The following PCDH10 variants were observed in gnomAD, a reference collection of about 807,000 sequenced individuals.
PCDH10 encodes protocadherin 10.
In PCDH10, 15 loss-of-function variants were observed where a neutral mutation model predicts 74.4. That is an observed-to-expected ratio of 0.20 (90% CI 0.13 to 0.31). PCDH10 has a LOEUF of 0.31. Among genes scored for constraint, PCDH10 ranks in the 10% least tolerant of loss-of-function variants. The pLI is 1.00. For missense variants in PCDH10, 1,260 were observed against 1,390.2 expected (o/e 0.91, Z 1.49); for synonymous variants, 619 against 589.8 (o/e 1.05, Z -0.72).
chr4:133,183,772 C>T (rs1348018163), intron 4 of PCDH10, among the ~76,000 whole-genome samples: 1 of 152,082 alleles, frequency 6.6e-6, no homozygotes, highest in Non-Finnish European at 1.5e-5. Flanking sequence ...TAGTCTCTTT[C>T]ACAATGGTAA....
At chr4:133,158,173 T>C (rs1464651186) in intron 3 of PCDH10, among the ~76,000 whole-genome samples, 3 of 152,186 alleles carry the variant, frequency 2.0e-5, no homozygotes, top group African/African-American at 7.2e-5. Context: ...AAGAAATATA[T>C]TTTCAACTTT....
At chr4:133,184,796 T>TA (rs1560714382) in intron 4 of PCDH10, among the ~76,000 whole-genome samples, 3 of 139,038 alleles carry the variant, frequency 2.2e-5, no homozygotes, top group African/African-American at 7.9e-5. Context: ...ATATATATAT[T>TA]TATATATATA....
intron 4 of PCDH10, among the ~76,000 whole-genome samples, chr4:133,166,511 T>C (rs916858978): frequency 2.6e-5 from 4 of 151,552 alleles, no homozygotes; most frequent in Non-Finnish European, 4.4e-5. Flanking sequence ...TGTAAAACCA[T>C]CTGGATAATC....
rs373424782 is a variant in PCDH10, at chr4:133,185,856, T to C, written c.3104-4285T>C. ...TATAAAGGGTATTTTCTTTCCTCTT[T>C]TGCAAGTTTGACCATGTGAATATTC... On this transcript the variant is annotated intron_variant, in intron 4 of 4. Coordinates refer to ENST00000264360, the MANE Select transcript of PCDH10 (RefSeq NM_032961.3). Among the ~76,000 whole-genome samples the C allele has an allele frequency of 3.2e-3, 483 of 152,268 alleles. 1 individual carries two copies. Among genetic ancestry groups the C allele is most frequent in the African/African-American group, 0.011 (442 of 41,570 alleles).
intron 1 of PCDH10, chr4:133,153,473 A>G (rs998804229): frequency 6.5e-6 from 1 of 153,536 alleles, no homozygotes; most frequent in Admixed American, 6.5e-5. Flanking sequence ...TGTCTTAAAT[A>G]TATCTTTTTA....
chr4:133,166,756 GTA>G, intron 4 of PCDH10, among the ~76,000 whole-genome samples: 1 of 151,464 alleles, frequency 6.6e-6, no homozygotes, highest in East Asian at 1.9e-4. Context: ...AAAGGCGTAA[GTA>G]TGTGTTATTT....
At chr4:133,199,922 C>T (rs970213514) in intron 2 of PCDH10, among the ~76,000 whole-genome samples, 6 of 151,042 alleles carry the variant, frequency 4.0e-5, no homozygotes, top group Non-Finnish European at 8.9e-5. Flanking sequence ...CTCAGCCTCC[C>T]GAGCTGCTGG....
At position 133,163,242 on chromosome 4, in the gene PCDH10, G is replaced by T. The variant is rs1727008745; in HGVS notation, c.3063G>T (p.Leu1021=). The T allele has an allele frequency of 6.2e-7, 1 of 1,613,780 alleles. No homozygotes were observed. Residue 1021 remains leucine (L), a synonymous_variant, in exon 4 of 5, where the codon CTG becomes CTT. Transcript: ENST00000264360. The stretch of plus-strand genomic sequence containing the variant: ...TGGAGAGGAAGGAGCTGGATGGACT[G>T]CTGACTAATACGCGAGCGCCTTACA... ...STLERKELDG[L]LTNTRAPYKP...
chr4:133,149,438 A>C lies in PCDH10; in HGVS notation c.-703A>C, dbSNP rs1253699684. Reference sequence around the variant, plus strand: ...TGCTCATTACACTTACAGAGAGGCAAGTAACGGTGGAGATGAGGACAGAGG... The same window carrying C: ...TGCTCATTACACTTACAGAGAGGCACGTAACGGTGGAGATGAGGACAGAGG... On this transcript the variant is annotated 5_prime_UTR_variant, in exon 1 of 5. Transcript: ENST00000264360. The C allele has an allele frequency of 6.6e-6, 1 of 152,376 alleles. No homozygotes were observed. Among genetic ancestry groups the C allele is most frequent in the Non-Finnish European group, 1.5e-5 (1 of 68,134 alleles). 9.4% of individuals were successfully genotyped at this position (152,376 alleles called of 1,614,324 possible). A position where few individuals can be genotyped will look rare whatever the true frequency, so the allele number is the denominator to read the frequency against.
chr4:133,153,323 A>C (rs1283283500), intron 1 of PCDH10: 23 of 943,418 alleles, frequency 2.4e-5, no homozygotes, highest in Non-Finnish European at 2.9e-5. Flanking sequence ...CTCGGGTTGC[A>C]AAAAAAGCCT....
rs548950218 is a variant in PCDH10 at position 133,168,600 on chromosome 4, G to A, written c.3103+5318G>A. ...TACACAATTATAAGTACTATGTTTT[G>A]CAACTGCTTTCTCACCATTTATTAA... is the stretch of plus-strand genomic sequence containing the variant. On this transcript the variant is annotated intron_variant, in intron 4 of 4. Transcript: ENST00000264360. Among the ~76,000 whole-genome samples, 4 of 151,510 alleles carry A rather than the reference G, an allele frequency of 2.6e-5. No homozygotes were observed. In the South Asian group the frequency reaches 6.2e-4, roughly 24 times the overall value.
At position 133,192,112 on chromosome 4, in the gene PCDH10, T is replaced by C. The variant is rs1011873570; in HGVS notation, c.*1952T>C. ...AGTTCATATATCAAAATAATGTATG[T>C]AATGTTCCAGCCTTTTGAAGTCTCT... On this transcript the variant is annotated 3_prime_UTR_variant, in exon 5 of 5. Transcript: ENST00000264360. 2.0e-5 allele frequency: 3 copies of C among 151,630 alleles called. No homozygotes were observed. The highest frequency in any genetic ancestry group is 4.8e-5 in the African/African-American group (2 of 41,392). 9.4% of individuals were successfully genotyped at this position (151,630 alleles called of 1,614,324 possible).
In PCDH10 at chr4:133,150,691, T is replaced by G. The variant is rs751084288; in HGVS notation, c.551T>G (p.Val184Gly). 1 of 1,611,540 alleles carries G rather than the reference T, an allele frequency of 6.2e-7. No individual in the cohort carries two copies. The highest frequency in any genetic ancestry group is 8.5e-7 in the Non-Finnish European group (1 of 1,179,794). ...GATGGCAACCGATTCGCTGAGCTGG[T>G]GCTGGAGAAGCCACTGGACCGAGAG... ...QGDGNRFAEL[V>G]LEKPLDREQQ... Residue 184 changes from valine to glycine, a missense_variant, in exon 1 of 5, where the codon GTG becomes GGG. By Grantham distance (109) the Val-to-Gly change is moderately radical. Around this residue, in one of 11 missense-constraint regions of PCDH10, gnomAD observed 14 missense variants for 36.5 expected, o/e 0.38. Transcript: ENST00000264360.
At chr4:133,158,212 T>C (rs937585435) in intron 3 of PCDH10, among the ~76,000 whole-genome samples, 1 of 152,202 alleles carries the variant, frequency 6.6e-6, no homozygotes, top group Non-Finnish European at 1.5e-5. Flanking sequence ...AATTATTTCT[T>C]CTATTTTAGG....
At chr4:133,203,512 C>T (rs2077381309) in intron 2 of PCDH10, among the ~76,000 whole-genome samples, 1 of 152,004 alleles carries the variant, frequency 6.6e-6, no homozygotes, top group Non-Finnish European at 1.5e-5. Context: ...GGTATTTTAC[C>T]CTATCAAGCT....
chr4:133,158,141 A>G (rs989887016), intron 3 of PCDH10, among the ~76,000 whole-genome samples: 1 of 152,216 alleles, frequency 6.6e-6, no homozygotes, highest in Non-Finnish European at 1.5e-5. Context: ...CACAGCTTAA[A>G]CAGCCAAAGA....
chr4:133,157,373 A>C (rs1726889013), intron 3 of PCDH10, among the ~76,000 whole-genome samples: 1 of 152,218 alleles, frequency 6.6e-6, no homozygotes, highest in South Asian at 2.1e-4. Flanking sequence ...TATAAACCTC[A>C]CATCAGGCAG....
intron 4 of PCDH10, among the ~76,000 whole-genome samples, chr4:133,170,048 A>G (rs1727171170): frequency 1.3e-5 from 2 of 152,070 alleles, no homozygotes; most frequent in Admixed American, 6.6e-5. Context: ...CTTCCTAGTC[A>G]CCGTAAAGCT....
intron 3 of PCDH10, among the ~76,000 whole-genome samples, chr4:133,155,712 A>G (rs1326067218): frequency 6.6e-6 from 1 of 152,148 alleles, no homozygotes; most frequent in Non-Finnish European, 1.5e-5. Flanking sequence ...GCTTGATGGT[A>G]GTCACTGATA....
Sources: gnomAD v4.1 joint callset for allele counts (sites outside exome capture counted in the v4.1 genomes callset) on GRCh38, gnomAD v4.1.1 for gene constraint, gnomAD v4.1.1 regional missense constraint, MANE v1.5 for transcripts, NCBI Gene and HGNC (gene_info 2026-07-23, HGNC 2026-07-21) for gene names.